NELL1: variants seen among roughly 807,000 people sequenced by gnomAD.
NELL1 encodes protein kinase C-binding protein NELL1.
A neutral mutation model predicts 107.4 loss-of-function variants in NELL1; 76 were observed. The observed-to-expected ratio is 0.71, with a 90% CI of 0.59 to 0.86. NELL1 has a LOEUF of 0.86. Ranked by LOEUF, NELL1 falls within the 40% of genes least tolerant of loss-of-function variation. The pLI is 0.00. For synonymous variants in NELL1, 353 were observed against 341.2 expected (o/e 1.03, Z -0.38); for missense variants, 1,024 against 1,005.5 (o/e 1.02, Z -0.25).
chr11:21,279,879 A>T (rs906431309), intron 14 of NELL1, among the ~76,000 whole-genome samples: 1 of 152,372 alleles, frequency 6.6e-6, no homozygotes, highest in East Asian at 1.9e-4. Flanking sequence ...ATATTGTTCT[A>T]TGCCAAAAAG....
chr11:20,906,810 C>T (rs1486442537), intron 5 of NELL1, among the ~76,000 whole-genome samples: 2 of 151,966 alleles, frequency 1.3e-5, no homozygotes, highest in African/African-American at 2.4e-5. Context: ...ATGATAAAAA[C>T]ACTAAGAAAA....
chr11:21,480,131 T>G (rs984015191), intron 15 of NELL1, among the ~76,000 whole-genome samples: 1 of 152,150 alleles, frequency 6.6e-6, no homozygotes, highest in Non-Finnish European at 1.5e-5. Flanking sequence ...CAAATTTAAC[T>G]AGGACATCAT....
At chr11:21,283,988 A>T in intron 14 of NELL1, 1 of 350,930 alleles carries the variant, frequency 2.8e-6, no homozygotes, top group Admixed American at 3.8e-5. Flanking sequence ...GACTGAACTT[A>T]TGCTGCCTGT....
rs145893225 is a variant in NELL1, at chr11:21,472,151, T to TTTTG, written c.1646-62195_1646-62192dup. On this transcript the variant is annotated intron_variant, in intron 15 of 19. Coordinates refer to ENST00000357134, the MANE Select transcript of NELL1 (RefSeq NM_006157.5). Reference sequence around the variant, plus strand: ...GACACAAGATTTGCTTTCTGTTTTGTTTTGTTTGTTTGTTTGTTTGTTTGT... The same window carrying TTTTG: ...GACACAAGATTTGCTTTCTGTTTTGTTTTGTTTGTTTGTTTGTTTGTTTGTTTGT... Among the ~76,000 whole-genome samples the TTTTG allele has an allele frequency of 3.6e-4, 55 of 150,924 alleles. 1 individual carries two copies. The highest frequency in any genetic ancestry group is 2.3e-3 in the Admixed American group (35 of 15,084).
At chr11:21,132,053 T>C (rs1855630581) in intron 13 of NELL1, among the ~76,000 whole-genome samples, 1 of 152,156 alleles carries the variant, frequency 6.6e-6, no homozygotes, top group African/African-American at 2.4e-5. Flanking sequence ...TTGGCAAATA[T>C]CACCCCTCTG....
chr11:21,562,140 TTTTTG>T (rs1249341288), intron 17 of NELL1, among the ~76,000 whole-genome samples: 1 of 152,018 alleles, frequency 6.6e-6, no homozygotes, highest in Non-Finnish European at 1.5e-5. Context: ...CTTCTTTCAG[TTTTTG>T]TTTTATTTAA....
chr11:20,941,107 A>G (rs1416163460), intron 10 of NELL1, among the ~76,000 whole-genome samples: 3 of 152,058 alleles, frequency 2.0e-5, no homozygotes, highest in East Asian at 3.9e-4. Flanking sequence ...CCACTGCACT[A>G]CAGCCTGGGC....
chr11:21,129,688 A>G lies in NELL1; in HGVS notation c.1426+15974A>G, dbSNP rs142994687. On this transcript the variant is annotated intron_variant, in intron 13 of 19. Coordinates refer to ENST00000357134, the MANE Select transcript of NELL1 (RefSeq NM_006157.5). Reference sequence around the variant, plus strand: ...ACAAACACTGCATGATTCCACTTATATGAAGTACCTGGAGTAATCAAATTC... The same window carrying G: ...ACAAACACTGCATGATTCCACTTATGTGAAGTACCTGGAGTAATCAAATTC... Among the ~76,000 whole-genome samples, 404 of 152,360 alleles carry G rather than the reference A, an allele frequency of 2.7e-3. 1 individual carries two copies. The highest frequency in any genetic ancestry group is 7.5e-3 in the African/African-American group (312 of 41,586).
intron 15 of NELL1, among the ~76,000 whole-genome samples, chr11:21,397,874 C>T (rs1206896488): frequency 2.6e-5 from 4 of 151,372 alleles, no homozygotes; most frequent in Non-Finnish European, 5.9e-5. Context: ...CTTTTCCTTC[C>T]ACCATGTGAG....
At chr11:21,528,015 C>G (rs954862333) in intron 15 of NELL1, among the ~76,000 whole-genome samples, 1 of 152,142 alleles carries the variant, frequency 6.6e-6, no homozygotes, top group African/African-American at 2.4e-5. Context: ...TACTTTGCAT[C>G]CTTCAGTCCA....
At chr11:21,449,836 G>A (rs1333057598) in intron 15 of NELL1, among the ~76,000 whole-genome samples, 6 of 152,134 alleles carry the variant, frequency 3.9e-5, no homozygotes, top group Non-Finnish European at 8.8e-5. Flanking sequence ...AACTGCCTTT[G>A]CACCCTTGTC....
intron 14 of NELL1, among the ~76,000 whole-genome samples, chr11:21,333,757 C>T (rs1410936728): frequency 6.6e-6 from 1 of 151,946 alleles, no homozygotes; most frequent in Non-Finnish European, 1.5e-5. Flanking sequence ...TTTCCTTGTC[C>T]AGTAAGTGAC....
intron 5 of NELL1, among the ~76,000 whole-genome samples, chr11:20,899,542 C>T (rs917707167): frequency 1.3e-5 from 2 of 152,030 alleles, no homozygotes; most frequent in African/African-American, 2.4e-5. Flanking sequence ...ATGAGTTAAA[C>T]ATCCAAATAG....
At chr11:20,913,996 A>G (rs1406281898) in intron 5 of NELL1, among the ~76,000 whole-genome samples, 1 of 152,064 alleles carries the variant, frequency 6.6e-6, no homozygotes, top group Admixed American at 6.6e-5. Flanking sequence ...TCAAGATAAA[A>G]TCTCATTTTG....
chr11:20,891,035 A>T (rs1849606672), intron 5 of NELL1, among the ~76,000 whole-genome samples: 1 of 152,184 alleles, frequency 6.6e-6, no homozygotes, highest in Non-Finnish European at 1.5e-5. Flanking sequence ...CTACGAGAAG[A>T]TCAACCCCAA....
chr11:21,345,155 A>C (rs1057220676), intron 14 of NELL1, among the ~76,000 whole-genome samples: 1 of 152,192 alleles, frequency 6.6e-6, no homozygotes, highest in African/African-American at 2.4e-5. Flanking sequence ...GAAAAATTCC[A>C]ATTAGTCACT....
intron 2 of NELL1, among the ~76,000 whole-genome samples, chr11:20,771,508 G>A (rs1051077289): frequency 3.9e-5 from 6 of 152,108 alleles, no homozygotes; most frequent in African/African-American, 9.7e-5. Flanking sequence ...TTGACATATC[G>A]CTTTGCAGGC....
At chr11:20,796,161 G>C (rs1001170582) in intron 3 of NELL1, among the ~76,000 whole-genome samples, 1 of 152,076 alleles carries the variant, frequency 6.6e-6, no homozygotes, top group African/African-American at 2.4e-5. Flanking sequence ...TGTTGGGACC[G>C]TCCCACCATT....
intron 13 of NELL1, among the ~76,000 whole-genome samples, chr11:21,125,055 G>A (rs927241583): frequency 6.6e-6 from 1 of 152,090 alleles, no homozygotes; most frequent in Non-Finnish European, 1.5e-5. Context: ...TGAGTTTTGG[G>A]GGAATAAAAA....
Sources: gnomAD v4.1 joint callset for allele counts (sites outside exome capture counted in the v4.1 genomes callset) on GRCh38, gnomAD v4.1.1 for gene constraint, MANE v1.5 for transcripts, NCBI Gene and HGNC (gene_info 2026-07-23, HGNC 2026-07-21) for gene names.